TUBA1C: variants seen among roughly 807,000 people sequenced by gnomAD.
TUBA1C encodes the protein tubulin alpha 1c, also known as tubulin alpha-1C chain.
Under a neutral mutation model 34.9 loss-of-function variants are expected in TUBA1C, and 16 were observed. That is an observed-to-expected ratio of 0.46 (90% CI 0.31 to 0.70). The LOEUF (loss-of-function observed/expected upper bound fraction) is 0.70, where lower values mean the gene tolerates loss of function less well. Ranked by LOEUF, TUBA1C falls within the 30% of genes least tolerant of loss-of-function variation. The pLI, the probability that TUBA1C is intolerant of heterozygous loss-of-function variation, is 0.05. For missense variants in TUBA1C, 329 were observed against 587.3 expected (o/e 0.56, Z 4.55); for synonymous variants, 177 against 215.9 (o/e 0.82, Z 1.58).
chr12:49,263,046 G>A (rs1303706179), upstream of TUBA1C, among the ~76,000 whole-genome samples: 2 of 73,400 alleles, frequency 2.7e-5, no homozygotes, highest in African/African-American at 6.1e-5. Flanking sequence ...TTTTTTTTCT[G>A]AGACAGAGTC....
chr12:49,236,487 A>G (rs1942556352), intron 1 of TUBA1C, among the ~76,000 whole-genome samples: 1 of 152,250 alleles, frequency 6.6e-6, no homozygotes, highest in Non-Finnish European at 1.5e-5. Flanking sequence ...TGTTGTATTC[A>G]GAGATGAGCT....
At chr12:49,239,371 T>A (rs1942588993) in intron 1 of TUBA1C, among the ~76,000 whole-genome samples, 1 of 152,082 alleles carries the variant, frequency 6.6e-6, no homozygotes. Context: ...CCGCGTGGGG[T>A]GGCTCATACC....
chr12:49,242,409 G>A (rs1942626759), intron 1 of TUBA1C, among the ~76,000 whole-genome samples: 1 of 152,144 alleles, frequency 6.6e-6, no homozygotes, highest in African/African-American at 2.4e-5. Flanking sequence ...CAGTCCCCAT[G>A]GCCAAACCAA....
intron 1 of TUBA1C, among the ~76,000 whole-genome samples, chr12:49,243,596 T>G (rs938369696): frequency 6.6e-6 from 1 of 152,170 alleles, no homozygotes; most frequent in Non-Finnish European, 1.5e-5. Flanking sequence ...CTTTTTGTTT[T>G]TGATTTTTAT....
intron 1 of TUBA1C, among the ~76,000 whole-genome samples, chr12:49,255,405 A>AATATATATATATAT (rs142218984): frequency 9.2e-4 from 130 of 141,288 alleles, no homozygotes; most frequent in African/African-American, 3.2e-3. Context: ...ATCTTTAAAA[A>AATATATATATATAT]ATATATATAT....
chr12:49,228,786 A>G (rs1396154581), intron 1 of TUBA1C, among the ~76,000 whole-genome samples: 2 of 152,196 alleles, frequency 1.3e-5, no homozygotes, highest in Admixed American at 6.6e-5. Context: ...ACAATCTGCA[A>G]TTTACAAGTC....
chr12:49,270,792 A>T (rs578036621), intron 3 of TUBA1C, among the ~76,000 whole-genome samples: 1 of 152,280 alleles, frequency 6.6e-6, no homozygotes, highest in East Asian at 1.9e-4. Context: ...CATCCTGGCT[A>T]ACATGGTGAA....
intron 1 of TUBA1C, chr12:49,232,694 C>T (rs1360752280): frequency 6.6e-6 from 1 of 152,162 alleles, no homozygotes; most frequent in Admixed American, 6.6e-5. Context: ...GATATCTGCT[C>T]AGTAACTTAT....
chr12:49,273,262 GA>G lies in TUBA1C; in HGVS notation c.*37del, dbSNP rs1300085983. On this transcript the variant is annotated 3_prime_UTR_variant, in exon 4 of 4. Coordinates refer to ENST00000301072, the MANE Select transcript of TUBA1C (RefSeq NM_032704.5). ...TGTACTTTTACACTCCTTTGTCTTG[GA>G]ACTGTCTTATTTTTGTTCTGTAAAT... 1 of 1,614,102 alleles carries G rather than the reference GA, an allele frequency of 6.2e-7. No individual in the cohort carries two copies.
intron 1 of TUBA1C, among the ~76,000 whole-genome samples, chr12:49,242,869 T>C (rs1333980665): frequency 6.6e-6 from 1 of 151,918 alleles, no homozygotes; most frequent in African/African-American, 2.4e-5. Flanking sequence ...AATGGTGTGA[T>C]CTCAGCTCAC....
upstream of TUBA1C, among the ~76,000 whole-genome samples, chr12:49,262,587 C>T (rs553344179): frequency 2.4e-4 from 37 of 151,966 alleles, no homozygotes; most frequent in East Asian, 6.8e-3. Flanking sequence ...TGAAACCAGT[C>T]TGACCAACAT....
chr12:49,261,075 G>A (rs1172523393), upstream of TUBA1C, among the ~76,000 whole-genome samples: 2 of 152,104 alleles, frequency 1.3e-5, no homozygotes, highest in African/African-American at 2.4e-5. Context: ...TAGGCTGGGC[G>A]CAGGGGCTCA....
chr12:49,240,681 G>A (rs1047204126), intron 1 of TUBA1C, among the ~76,000 whole-genome samples: 7 of 152,110 alleles, frequency 4.6e-5, no homozygotes, highest in Admixed American at 3.3e-4. Context: ...TCGACCTCCC[G>A]GGCTCAAGTG....
chr12:49,244,166 G>GA (rs1003676939), intron 1 of TUBA1C, among the ~76,000 whole-genome samples: 14 of 141,320 alleles, frequency 9.9e-5, no homozygotes, highest in Non-Finnish European at 2.0e-4. Flanking sequence ...AAAAAAAAAA[G>GA]AAAAAAAAAT....
At position 49,273,154 on chromosome 12, in the gene TUBA1C, C is replaced by T; in HGVS notation, c.1277C>T (p.Ala426Val). ...TTTTCAGAGGCCCGTGAGGACATGG[C>T]TGCCCTTGAGAAGGATTATGAGGAG... ...GEFSEAREDM[A>V]ALEKDYEEVG... Residue 426 changes from alanine to valine, a missense_variant, in exon 4 of 4, where the codon GCT becomes GTT. By Grantham distance (64) the Ala-to-Val change is moderately conservative (BLOSUM62 0). Around this residue, in one of 4 missense-constraint regions of TUBA1C, gnomAD observed 34 missense variants for 31.8 expected, o/e 1.07. Transcript: ENST00000301072. 1 of 1,614,196 alleles carries T rather than the reference C, an allele frequency of 6.2e-7. No homozygotes were observed. Among genetic ancestry groups the T allele is most frequent in the Non-Finnish European group, 8.5e-7 (1 of 1,180,030 alleles).
chr12:49,254,634 T>C (rs1443880672), intron 1 of TUBA1C, among the ~76,000 whole-genome samples: 1 of 152,090 alleles, frequency 6.6e-6, no homozygotes, highest in Non-Finnish European at 1.5e-5. Flanking sequence ...GTGGATATGT[T>C]CTTGTTTACC....
At chr12:49,237,736 T>G (rs1300349839) in intron 1 of TUBA1C, among the ~76,000 whole-genome samples, 1 of 116,440 alleles carries the variant, frequency 8.6e-6, no homozygotes, top group Admixed American at 1.0e-4. Context: ...AGAGACCCTG[T>G]CAAAAAAAAA....
chr12:49,272,809 A>G lies in TUBA1C; in HGVS notation c.932A>G (p.Lys311Arg). Reference sequence around the variant, plus strand: ...GTGAAATGTGACCCTCGCCATGGTAAATACATGGCTTGCTGCCTGTTATAC... The same window carrying G: ...GTGAAATGTGACCCTCGCCATGGTAGATACATGGCTTGCTGCCTGTTATAC... ...QMVKCDPRHG[K>R]YMACCLLYRG... Residue 311 changes from lysine to arginine, a missense_variant, in exon 4 of 4, where the codon AAA (lysine) becomes AGA (arginine). By Grantham distance (26) the Lys-to-Arg change is conservative. Coordinates refer to ENST00000301072, the MANE Select transcript of TUBA1C (RefSeq NM_032704.5). 1 of 1,614,084 alleles carries G rather than the reference A, an allele frequency of 6.2e-7. No individual in the cohort carries two copies. The highest frequency in any genetic ancestry group is 8.5e-7 in the Non-Finnish European group (1 of 1,180,016).
upstream of TUBA1C, among the ~76,000 whole-genome samples, chr12:49,260,575 C>T (rs1565646415): frequency 1.3e-5 from 2 of 152,146 alleles, no homozygotes; most frequent in South Asian, 2.1e-4. Context: ...AGACTGCAAA[C>T]ATTTGTGGGA....
Sources: gnomAD v4.1 joint callset for allele counts (sites outside exome capture counted in the v4.1 genomes callset) on GRCh38, gnomAD v4.1.1 for gene constraint, gnomAD v4.1.1 regional missense constraint, MANE v1.5 for transcripts, NCBI Gene and HGNC (gene_info 2026-07-23, HGNC 2026-07-21) for gene names.